The following CEMIP2 variants were observed in gnomAD, a reference collection of about 807,000 sequenced individuals.
CEMIP2 encodes cell surface hyaluronidase CEMIP2.
In CEMIP2, 79 loss-of-function variants were observed where a neutral mutation model predicts 146.9. The observed-to-expected ratio is 0.54, with a 90% CI of 0.45 to 0.65. CEMIP2 has a LOEUF of 0.65. CEMIP2 is among the 30% of genes least tolerant of loss of function. The pLI is 0.00. For synonymous variants in CEMIP2, 601 were observed against 606.3 expected, an observed-to-expected ratio of 0.99 and a Z score of 0.13; for missense variants, 1,596 against 1,696.2, an observed-to-expected ratio of 0.94 and a Z score of 1.04.
chr9:71,712,472 G>A (rs967901352), intron 15 of CEMIP2: 17 of 539,638 alleles, frequency 3.2e-5, no homozygotes, highest in African/African-American at 3.0e-4. Context: ...CAGAAAATAA[G>A]TGCTATAGAG....
At position 71,730,112 on chromosome 9, in the gene CEMIP2, T is replaced by G; in HGVS notation, c.1915A>C (p.Met639Leu). 6.2e-7 allele frequency: 1 copy of G among 1,614,162 alleles called. No individual in the cohort carries two copies. Among genetic ancestry groups the G allele is most frequent in the Non-Finnish European group, 8.5e-7 (1 of 1,180,042 alleles). Residue 639 changes from methionine (M) to leucine (L), a missense_variant, in exon 9 of 24, where the codon ATG becomes CTG. Met to Leu is a conservative substitution (Grantham distance 15, BLOSUM62 2). Transcript: ENST00000377044. ...ACTTTATCTCGCATGGTGGTACACATGGAGTTGTTCCTATCGGTGGGCAGG... is the reference window on the plus strand; with the variant it reads ...ACTTTATCTCGCATGGTGGTACACAGGGAGTTGTTCCTATCGGTGGGCAGG... ...TLLPTDRNNS[M>L]CTTMRDKVFG...
At chr9:71,699,524 A>G (rs923437935) in intron 19 of CEMIP2, 2 of 393,586 alleles carry the variant, frequency 5.1e-6, no homozygotes, top group Non-Finnish European at 9.9e-6. Context: ...TGACAATAAA[A>G]CTTTTAAGCT....
intron 10 of CEMIP2, among the ~76,000 whole-genome samples, chr9:71,726,034 T>C (rs1823374277): frequency 6.6e-6 from 1 of 152,362 alleles, no homozygotes; most frequent in African/African-American, 2.4e-5. Flanking sequence ...CGGCTTTCCA[T>C]GTAACCAAGA....
intron 17 of CEMIP2, among the ~76,000 whole-genome samples, chr9:71,705,300 A>G (rs1822701734): frequency 6.6e-6 from 1 of 152,208 alleles, no homozygotes; most frequent in South Asian, 2.1e-4. Context: ...TTCAAAAAAA[A>G]AAAAAGTTAT....
chr9:71,683,498 G>A lies in CEMIP2; in HGVS notation c.*1699C>T, dbSNP rs947686512. On this transcript the variant is annotated 3_prime_UTR_variant, in exon 24 of 24. Transcript: ENST00000377044. ...AAGAACCAAGCTCTAAAAAACACAC[G>A]TAAAGATATTTAAGTCATAAAACAC... The A allele has an allele frequency of 7.4e-6, 1 of 134,626 alleles. No individual in the cohort carries two copies. The highest frequency in any genetic ancestry group is 2.3e-4 in the East Asian group (1 of 4,414). 8.3% of individuals were successfully genotyped at this position (134,626 alleles called of 1,614,324 possible).
At chr9:71,702,072 A>G (rs1379794787) in intron 18 of CEMIP2, among the ~76,000 whole-genome samples, 1 of 152,140 alleles carries the variant, frequency 6.6e-6, no homozygotes, top group Non-Finnish European at 1.5e-5. Context: ...AGCCCGGGCA[A>G]CATGGCAAAA....
chr9:71,697,697 G>C (rs567067945), intron 20 of CEMIP2: 80 of 314,754 alleles, frequency 2.5e-4, no homozygotes, highest in African/African-American at 1.6e-3. Flanking sequence ...AAACATCTGA[G>C]AAAGAAAAAA....
At chr9:71,690,726 G>C (rs1822203894) in intron 21 of CEMIP2, among the ~76,000 whole-genome samples, 1 of 152,152 alleles carries the variant, frequency 6.6e-6, no homozygotes, top group South Asian at 2.1e-4. Context: ...GTTTATATTT[G>C]TAGTTTGCTA....
intron 21 of CEMIP2, among the ~76,000 whole-genome samples, chr9:71,694,263 C>T (rs7035776): frequency 1.3e-5 from 2 of 151,958 alleles, no homozygotes; most frequent in Admixed American, 6.6e-5. Context: ...GCTGGGACTA[C>T]AGGCACCCAC....
At chr9:71,731,389 A>G (rs1823612307) in intron 7 of CEMIP2, among the ~76,000 whole-genome samples, 2 of 152,174 alleles carry the variant, frequency 1.3e-5, no homozygotes, top group African/African-American at 4.8e-5. Flanking sequence ...TAAACACTAG[A>G]TTTTCAATCG....
chr9:71,754,897 G>C (rs1824376484), intron 1 of CEMIP2, among the ~76,000 whole-genome samples: 1 of 32,158 alleles, frequency 3.1e-5, no homozygotes, highest in South Asian at 9.5e-4. Context: ...TACAAATGCT[G>C]TTAAAAAAAA....
At chr9:71,707,465 C>T (rs1822779885) in intron 17 of CEMIP2, among the ~76,000 whole-genome samples, 1 of 152,090 alleles carries the variant, frequency 6.6e-6, no homozygotes, top group African/African-American at 2.4e-5. Context: ...TTTGTTTAGT[C>T]TATAGATAAG....
chr9:71,725,431 G>C (rs62547005), intron 11 of CEMIP2, 150 bp downstream of exon 11: 69,253 of 831,002 alleles, frequency 0.083, 3,566 homozygotes, highest in South Asian at 0.21. Flanking sequence ...GCCTTCAGAA[G>C]TGTGAGCCAA....
In CEMIP2 at chr9:71,732,686, A is replaced by ATTTTTTTTTTTTTTTTTTTT. The variant is rs59985618; in HGVS notation, c.1394-186_1394-167dup. Among the ~76,000 whole-genome samples, 3 of 75,878 alleles carry ATTTTTTTTTTTTTTTTTTTT rather than the reference A, an allele frequency of 4.0e-5. 1 individual carries two copies. The highest frequency in any genetic ancestry group is 1.9e-4 in the African/African-American group (3 of 16,098). 49.8% of individuals were successfully genotyped at this position (75,878 alleles called of 152,430 possible). ...GAATCAGAATCCCAGGACACGGGGA[A>ATTTTTTTTTTTTTTTTTTTT]TTTTTTTTTTTTTTTTTTTTTTTTT... On this transcript the variant is annotated intron_variant, in intron 6 of 23. Transcript: ENST00000377044.
intron 5 of CEMIP2, among the ~76,000 whole-genome samples, chr9:71,735,500 T>C (rs1295707721): frequency 6.6e-6 from 1 of 152,068 alleles, no homozygotes; most frequent in Non-Finnish European, 1.5e-5. Context: ...GAATAAGAAT[T>C]TGTGGGCCAG....
intron 1 of CEMIP2, among the ~76,000 whole-genome samples, chr9:71,764,221 T>A (rs1015058003): frequency 6.6e-6 from 1 of 152,224 alleles, no homozygotes; most frequent in South Asian, 2.1e-4. Flanking sequence ...ACTTAGTTCC[T>A]TATTTCCCAG....
Position 71,712,215 on chromosome 9 carries a change from A to G in CEMIP2, c.2637T>C (p.His879=). The change falls in exon 16 of 24, where the codon CAT becomes CAC. Residue 879 remains histidine (H), a synonymous_variant. Transcript: ENST00000377044. The part of the protein sequence containing the change: ...RGFQIYDGPI[H]LTRSTFKKYV... Reference sequence around the variant, plus strand: ...ATTTTTTGAAAGTGCTCCTTGTGAGATGAATGGGCCCATCATAAATCTGAA... The same window carrying G: ...ATTTTTTGAAAGTGCTCCTTGTGAGGTGAATGGGCCCATCATAAATCTGAA... 1.2e-6 allele frequency: 2 copies of G among 1,614,166 alleles called. No homozygotes were observed. The highest frequency in any genetic ancestry group is 1.7e-6 in the Non-Finnish European group (2 of 1,180,008).
At chr9:71,688,455 A>G (rs1223729957) in intron 22 of CEMIP2, among the ~76,000 whole-genome samples, 3 of 151,736 alleles carry the variant, frequency 2.0e-5, no homozygotes, top group Non-Finnish European at 2.9e-5. Flanking sequence ...CAGTGGTACA[A>G]TCTTGGCTCA....
chr9:71,725,956 T>C (rs1238766469), intron 10 of CEMIP2, among the ~76,000 whole-genome samples: 1 of 152,216 alleles, frequency 6.6e-6, no homozygotes, highest in Non-Finnish European at 1.5e-5. Context: ...TTGGCTGGTA[T>C]AAAAATTCAC....
Sources: allele counts gnomAD v4.1 joint callset (sites outside exome capture counted in the v4.1 genomes callset), GRCh38; gene constraint gnomAD v4.1.1; transcripts MANE v1.5; gene names NCBI Gene and HGNC (gene_info 2026-07-23, HGNC 2026-07-21).